CSNK1G2: variants seen among roughly 807,000 people sequenced by gnomAD.
CSNK1G2 encodes casein kinase I isoform gamma-2.
A neutral mutation model predicts 48.0 loss-of-function variants in CSNK1G2; 11 were observed. The ratio of observed to expected loss-of-function variants is 0.23; its 90% CI spans 0.14 to 0.38. The LOEUF (loss-of-function observed/expected upper bound fraction) is 0.38, where lower values mean the gene tolerates loss of function less well. Ranked by LOEUF, CSNK1G2 falls within the 10% of genes least tolerant of loss-of-function variation. The probability of loss-of-function intolerance (pLI) is 1.00; values close to 1 mark genes in which losing one functional copy is unlikely to be tolerated. For missense variants in CSNK1G2, 446 were observed against 595.5 expected, an observed-to-expected ratio of 0.75 and a Z score of 2.61; for synonymous variants, 337 against 254.1, an observed-to-expected ratio of 1.33 and a Z score of -3.10.
chr19:1,953,935 C>T (rs572777066), intron 1 of CSNK1G2: 42 of 533,886 alleles, frequency 7.9e-5, no homozygotes, highest in Admixed American at 6.6e-4. Context: ...GTGCAGTCGG[C>T]GCGGTGAGGT....
rs760120500 is a variant in CSNK1G2 at position 1,980,303 on chromosome 19, G to C, written c.*100G>C. ...GCCCACCCACAGCGGCCCAGGGCCA[G>C]ACCCTGGCTGGAAGCCAGAACGCAG... On this transcript the variant is annotated 3_prime_UTR_variant, in exon 12 of 12. Coordinates refer to ENST00000255641, the MANE Select transcript of CSNK1G2 (RefSeq NM_001319.7). 8.2e-6 allele frequency: 12 copies of C among 1,455,482 alleles called. No individual in the cohort carries two copies. The highest frequency in any genetic ancestry group is 3.5e-5 in the South Asian group (3 of 85,488). The allele number at this position is 1,455,482 out of a possible 1,614,324, so 90.2% of individuals were successfully genotyped here. A position where few individuals can be genotyped will look rare whatever the true frequency, so the allele number is the denominator to read the frequency against.
chr19:1,956,866 G>C (rs2015017700), intron 1 of CSNK1G2, among the ~76,000 whole-genome samples: 1 of 152,216 alleles, frequency 6.6e-6, no homozygotes, highest in South Asian at 2.1e-4. Context: ...GGAATTTAGG[G>C]CTCAGCCTCG....
intron 1 of CSNK1G2, chr19:1,954,557 T>C (rs1334231716): frequency 6.5e-6 from 1 of 152,698 alleles, no homozygotes; most frequent in Non-Finnish European, 1.5e-5. Context: ...CCCTTCAGCT[T>C]TGCCCTGGGC....
chr19:1,955,359 C>T (rs956030767), intron 1 of CSNK1G2, among the ~76,000 whole-genome samples: 4 of 152,304 alleles, frequency 2.6e-5, no homozygotes, highest in Non-Finnish European at 5.9e-5. Flanking sequence ...CGGGGCCACT[C>T]CTGAGGTGGG....
chr19:1,961,922 C>G (rs1332169802), intron 1 of CSNK1G2, among the ~76,000 whole-genome samples: 2 of 152,198 alleles, frequency 1.3e-5, no homozygotes, highest in Admixed American at 1.3e-4. Context: ...ATCAGTGTCT[C>G]CTGCCACCTC....
chr19:1,977,599 A>G (rs1431544522), intron 2 of CSNK1G2, among the ~76,000 whole-genome samples: 2 of 152,048 alleles, frequency 1.3e-5, no homozygotes, highest in East Asian at 3.9e-4. Context: ...CTAAAAATAC[A>G]AAAATTAGTT....
chr19:1,942,915 C>T (rs2014421961), intron 1 of CSNK1G2, among the ~76,000 whole-genome samples: 2 of 152,214 alleles, frequency 1.3e-5, no homozygotes, highest in African/African-American at 4.8e-5. Context: ...CCCAGGCAGG[C>T]AGCCCCCGGG....
At chr19:1,964,292 T>TAAA (rs538395335) in intron 1 of CSNK1G2, among the ~76,000 whole-genome samples, 1 of 138,526 alleles carries the variant, frequency 7.2e-6, no homozygotes, top group African/African-American at 2.9e-5. Flanking sequence ...GACCCTGTGT[T>TAAA]AAAAAAAAAA....
intron 1 of CSNK1G2, among the ~76,000 whole-genome samples, chr19:1,960,924 C>G (rs568110571): frequency 6.6e-6 from 1 of 152,344 alleles, no homozygotes; most frequent in African/African-American, 2.4e-5. Context: ...ACGTTTCAGC[C>G]CCCTCTTCCT....
At position 1,980,500 on chromosome 19, in the gene CSNK1G2, C is replaced by T. The variant is rs1445205192; in HGVS notation, c.*297C>T. The T allele has an allele frequency of 1.1e-5, 5 of 458,742 alleles. No individual in the cohort carries two copies. Among genetic ancestry groups the T allele is most frequent in the African/African-American group, 6.1e-5 (3 of 49,334 alleles). The allele number at this position is 458,742 out of a possible 1,614,324, so 28.4% of individuals were successfully genotyped here. ...AAAAAAAAACAGAGGCCCGCCCTACCCCACTCCTGCCCCTCCGTTTCTTTG... is the reference window on the plus strand; with the variant it reads ...AAAAAAAAACAGAGGCCCGCCCTACTCCACTCCTGCCCCTCCGTTTCTTTG... On this transcript the variant is annotated 3_prime_UTR_variant, in exon 12 of 12. Coordinates refer to ENST00000255641, the MANE Select transcript of CSNK1G2 (RefSeq NM_001319.7).
chr19:1,957,865 C>T lies in CSNK1G2; in HGVS notation c.-265-11643C>T, dbSNP rs1011547518. 7.3e-5 allele frequency among the ~76,000 whole-genome samples: 11 copies of T among 151,258 alleles called. No individual in the cohort carries two copies. Among genetic ancestry groups the T allele is most frequent in the African/African-American group, 2.4e-4 (10 of 41,100 alleles). ...GCGGGCGCCGTTTATGTGGGGTGGG[C>T]GCTCGGCGGGCACTGTGTGTGTGGC... On this transcript the variant is annotated intron_variant, in intron 1 of 11. Coordinates refer to ENST00000255641, the MANE Select transcript of CSNK1G2 (RefSeq NM_001319.7). This position sits in a 1 kb window ranked among gnomAD's most constrained non-coding sequence, Gnocchi z 5.4.
Position 1,978,300 on chromosome 19 carries a change from C to T in CSNK1G2, c.188-5C>T, listed in dbSNP as rs374643404. 70 of 1,613,346 alleles carry T rather than the reference C, an allele frequency of 4.3e-5. No individual in the cohort carries two copies. Among genetic ancestry groups the T allele is most frequent in the South Asian group, 5.5e-5 (5 of 91,080 alleles). ...TGGCGGTGCTGATGGTCTCTGTCCC[C>T]GCAGGAAAGAATCTCTATACAAATG... On this transcript the variant is annotated splice_polypyrimidine_tract_variant and splice_region_variant and intron_variant, in intron 2 of 11. Coordinates refer to ENST00000255641, the MANE Select transcript of CSNK1G2 (RefSeq NM_001319.7). This position sits in a 1 kb window ranked among gnomAD's most constrained non-coding sequence, Gnocchi z 7.3.
intron 1 of CSNK1G2, among the ~76,000 whole-genome samples, chr19:1,946,918 T>A (rs1322179900): frequency 6.6e-6 from 1 of 152,054 alleles, no homozygotes; most frequent in Non-Finnish European, 1.5e-5. Context: ...GCCTATTCAT[T>A]TATTTATTTA....
intron 1 of CSNK1G2, among the ~76,000 whole-genome samples, chr19:1,950,059 A>G (rs944485326): frequency 6.6e-6 from 1 of 152,234 alleles, no homozygotes; most frequent in Admixed American, 6.5e-5. Context: ...CCAGCCCCAC[A>G]GGATCATCGA....
At chr19:1,956,905 G>T (rs1037824487) in intron 1 of CSNK1G2, among the ~76,000 whole-genome samples, 3 of 152,194 alleles carry the variant, frequency 2.0e-5, no homozygotes, top group Non-Finnish European at 2.9e-5. Flanking sequence ...CGGTTGATGG[G>T]TTAATTCAGT....
In CSNK1G2 at chr19:1,975,244, G is replaced by A. The variant is rs145671723; in HGVS notation, c.188-3061G>A. ...GACGTTGGCGAGCATCCGCCTGCCCGTCAGGGAGCCACAGCTGGATGATAC... is the reference window on the plus strand; with the variant it reads ...GACGTTGGCGAGCATCCGCCTGCCCATCAGGGAGCCACAGCTGGATGATAC... On this transcript the variant is annotated intron_variant, in intron 2 of 11. Transcript: ENST00000255641. The A allele has an allele frequency of 8.4e-4, 823 of 985,486 alleles. 5 individuals carry two copies. The African/African-American group carries it at 0.01, about 12-fold the overall frequency. The allele number at this position is 985,486 out of a possible 1,614,324, so 61.0% of individuals were successfully genotyped here.
At position 1,978,756 on chromosome 19, in the gene CSNK1G2, C is replaced by CGGCG; in HGVS notation, c.447+13_447+16dup. 2 of 501,488 alleles carry CGGCG rather than the reference C, an allele frequency of 4.0e-6. No individual in the cohort carries two copies. Among genetic ancestry groups the CGGCG allele is most frequent in the East Asian group, 6.4e-5 (1 of 15,562 alleles). The allele number at this position is 501,488 out of a possible 1,614,324, so 31.1% of individuals were successfully genotyped here. On this transcript the variant is annotated splice_region_variant and intron_variant, in intron 5 of 11. Transcript: ENST00000255641. The surrounding 1 kb of genome is among the most constrained non-coding windows in gnomAD (Gnocchi z 7.3). The stretch of plus-strand genomic sequence containing the variant: ...TGATGATCGCCATCCAGCTGGTGCG[C>CGGCG]GGCGGGCGGGGCGGGGCGGGGCTCG...
At chr19:1,968,348 AG>A (rs1207670422) in intron 1 of CSNK1G2, among the ~76,000 whole-genome samples, 1 of 149,628 alleles carries the variant, frequency 6.7e-6, no homozygotes, top group African/African-American at 2.5e-5. Flanking sequence ...TCAGTTCTGC[AG>A]GTGGGGCTCC....
In CSNK1G2 at chr19:1,980,347, G is replaced by C; in HGVS notation, c.*144G>C. 5.0e-6 allele frequency: 5 copies of C among 1,004,482 alleles called. No homozygotes were observed. The highest frequency in any genetic ancestry group is 7.6e-6 in the Non-Finnish European group (5 of 660,500). 62.2% of individuals were successfully genotyped at this position (1,004,482 alleles called of 1,614,324 possible). On this transcript the variant is annotated 3_prime_UTR_variant, in exon 12 of 12. Coordinates refer to ENST00000255641, the MANE Select transcript of CSNK1G2 (RefSeq NM_001319.7). ...AACGCAGACTGCAGGGGCCGCGCCT[G>C]GCTCAGGCGGCCCCACCCCCGGGAC... is the stretch of plus-strand genomic sequence containing the variant.
Sources: allele counts gnomAD v4.1 joint callset (sites outside exome capture counted in the v4.1 genomes callset), GRCh38; gene constraint gnomAD v4.1.1; non-coding constraint Gnocchi (gnomAD v3.1); transcripts MANE v1.5; gene names NCBI Gene and HGNC (gene_info 2026-07-23, HGNC 2026-07-21).